The following SYT1 variants were observed in gnomAD, a reference collection of about 807,000 sequenced individuals.
SYT1 encodes synaptotagmin 1.
Under a neutral mutation model 44.8 loss-of-function variants are expected in SYT1, and 8 were observed. The observed-to-expected ratio is 0.18, with a 90% confidence interval of 0.10 to 0.32. The LOEUF (loss-of-function observed/expected upper bound fraction) is 0.32. SYT1 is among the 10% of genes least tolerant of loss of function. SYT1 has a pLI of 1.00. For missense variants in SYT1, 286 were observed against 509.3 expected (o/e 0.56, Z 4.22); for synonymous variants, 154 against 188.8 (o/e 0.82, Z 1.51).
intron 3 of SYT1, among the ~76,000 whole-genome samples, chr12:79,133,781 A>G (rs1238226185): frequency 6.6e-6 from 1 of 152,242 alleles, no homozygotes; most frequent in African/African-American, 2.4e-5. Context: ...GAAATATGAA[A>G]GTTGAACAGA....
chr12:79,429,739 C>T (rs770981328), intron 9 of SYT1, among the ~76,000 whole-genome samples: 4 of 152,130 alleles, frequency 2.6e-5, no homozygotes, highest in African/African-American at 4.8e-5. Context: ...CCGTGTTAGC[C>T]AGGATGGTCT....
intron 3 of SYT1, among the ~76,000 whole-genome samples, chr12:79,200,369 A>G (rs1047467228): frequency 6.6e-6 from 1 of 152,086 alleles, no homozygotes; most frequent in African/African-American, 2.4e-5. Context: ...GTAATTTATT[A>G]AAGGAGAATT....
intron 8 of SYT1, among the ~76,000 whole-genome samples, chr12:79,309,340 GA>G (rs1284429528): frequency 9.2e-5 from 14 of 151,660 alleles, no homozygotes; most frequent in Non-Finnish European, 5.9e-5. Flanking sequence ...AGGGAATCTT[GA>G]ATTCTGACCT....
At position 78,885,130 on chromosome 12, in the gene SYT1, CTG is replaced by C. The variant is rs1874660637; in HGVS notation, c.-217+20022_-217+20023del. ...TATTACTTCATTAATTCAAAAATCTCTGAGCATTAGTTCAAAATGTTTCAGTA... is the reference window on the plus strand; with the variant it reads ...TATTACTTCATTAATTCAAAAATCTCAGCATTAGTTCAAAATGTTTCAGTA... On this transcript the variant is annotated intron_variant, in intron 1 of 10. Coordinates refer to ENST00000261205, the MANE Select transcript of SYT1 (RefSeq NM_005639.3). Among the ~76,000 whole-genome samples, 11 of 151,948 alleles carry C rather than the reference CTG, an allele frequency of 7.2e-5. 1 individual carries two copies. The South Asian group carries it at 2.3e-3, about 31-fold the overall frequency.
At chr12:78,941,997 G>A (rs1248100944) in intron 1 of SYT1, among the ~76,000 whole-genome samples, 1 of 152,148 alleles carries the variant, frequency 6.6e-6, no homozygotes, top group Non-Finnish European at 1.5e-5. Context: ...GAGGACACTG[G>A]CATCTGGCTT....
intron 1 of SYT1, among the ~76,000 whole-genome samples, chr12:78,904,288 T>C (rs1037959521): frequency 2.6e-5 from 4 of 152,144 alleles, no homozygotes; most frequent in Admixed American, 6.5e-5. Flanking sequence ...TACTTCTATA[T>C]TAAGTTACAT....
At chr12:79,135,674 G>A (rs907543823) in intron 3 of SYT1, among the ~76,000 whole-genome samples, 1 of 152,124 alleles carries the variant, frequency 6.6e-6, no homozygotes, top group Non-Finnish European at 1.5e-5. Context: ...AGACTTGGAT[G>A]GTTTACAGGA....
intron 1 of SYT1, among the ~76,000 whole-genome samples, chr12:78,924,021 TGACATA>T (rs1225038128): frequency 6.6e-6 from 1 of 151,980 alleles, no homozygotes; most frequent in African/African-American, 2.4e-5. Context: ...TTGCGTTTCA[TGACATA>T]GACATTTTCT....
intron 1 of SYT1, among the ~76,000 whole-genome samples, chr12:78,935,521 T>G (rs1471925588): frequency 6.6e-6 from 1 of 152,124 alleles, no homozygotes; most frequent in Non-Finnish European, 1.5e-5. Flanking sequence ...GGAATGTGAA[T>G]ATACAAGAAT....
chr12:79,293,761 C>T (rs1879749690), intron 6 of SYT1, among the ~76,000 whole-genome samples: 1 of 152,162 alleles, frequency 6.6e-6, no homozygotes, highest in Admixed American at 6.5e-5. Context: ...AATATACTGT[C>T]ATATTAAAAA....
chr12:79,421,094 G>A (rs1869083326), intron 9 of SYT1, among the ~76,000 whole-genome samples: 1 of 152,070 alleles, frequency 6.6e-6, no homozygotes, highest in African/African-American at 2.4e-5. Flanking sequence ...TACTTTCAAA[G>A]TAGACCTAAA....
intron 3 of SYT1, among the ~76,000 whole-genome samples, chr12:79,090,369 A>C (rs1252149738): frequency 1.3e-5 from 2 of 151,858 alleles, no homozygotes; most frequent in African/African-American, 4.8e-5. Flanking sequence ...ACATCACTCC[A>C]ATATATCTGC....
chr12:79,104,835 T>G (rs1429582229), intron 3 of SYT1, among the ~76,000 whole-genome samples: 1 of 152,100 alleles, frequency 6.6e-6, no homozygotes, highest in Non-Finnish European at 1.5e-5. Context: ...TTTTGTGAGG[T>G]AGGGCTTTCT....
Position 78,883,844 on chromosome 12 carries a change from G to A in SYT1, c.-217+18735G>A, listed in dbSNP as rs558095338. Among the ~76,000 whole-genome samples the A allele has an allele frequency of 2.6e-5, 4 of 151,628 alleles. No individual in the cohort carries two copies. The South Asian group carries it at 8.3e-4, about 31-fold the overall frequency. ...GCGAAGGGGTTCTGTCACTGAAAAA[G>A]TTATTCCTTCTGTAAATATATTCAA... On this transcript the variant is annotated intron_variant, in intron 1 of 10. Coordinates refer to ENST00000261205, the MANE Select transcript of SYT1 (RefSeq NM_005639.3).
chr12:79,231,447 T>A (rs1215093214), intron 4 of SYT1, among the ~76,000 whole-genome samples: 1 of 152,082 alleles, frequency 6.6e-6, no homozygotes, highest in Non-Finnish European at 1.5e-5. Flanking sequence ...ACCCTCTCCT[T>A]TTTTCTCTTC....
intron 8 of SYT1, among the ~76,000 whole-genome samples, chr12:79,300,277 A>G (rs1271315874): frequency 6.6e-6 from 1 of 152,172 alleles, no homozygotes; most frequent in African/African-American, 2.4e-5. Context: ...ACATTTCAGT[A>G]GACCAATACT....
intron 2 of SYT1, among the ~76,000 whole-genome samples, chr12:79,037,941 C>T (rs556641237): frequency 6.6e-6 from 1 of 151,610 alleles, no homozygotes; most frequent in African/African-American, 2.4e-5. Context: ...TCATGTAATA[C>T]AGTATTGATA....
chr12:79,114,727 T>C (rs1174798677), intron 3 of SYT1, among the ~76,000 whole-genome samples: 1 of 152,174 alleles, frequency 6.6e-6, no homozygotes, highest in Non-Finnish European at 1.5e-5. Flanking sequence ...GCCAGGCCTA[T>C]ATTGATGTGT....
chr12:79,068,221 G>A (rs1876011854), intron 3 of SYT1, among the ~76,000 whole-genome samples: 1 of 152,092 alleles, frequency 6.6e-6, no homozygotes, highest in South Asian at 2.1e-4. Flanking sequence ...GAAGCCTCTG[G>A]TGGGCTAGAC....
Sources: gnomAD v4.1 joint callset for allele counts (sites outside exome capture counted in the v4.1 genomes callset) on GRCh38, gnomAD v4.1.1 for gene constraint, MANE v1.5 for transcripts, NCBI Gene and HGNC (gene_info 2026-07-23, HGNC 2026-07-21) for gene names.